The following ACOXL variants were observed in gnomAD, a reference collection of about 807,000 sequenced individuals.
The protein encoded by ACOXL is acyl-coenzyme A oxidase-like protein.
ACOXL carries 70 observed loss-of-function variants against 71.9 expected under a neutral mutation model. That is an observed-to-expected ratio of 0.97 (90% CI 0.80 to 1.19). The LOEUF is 1.19. ACOXL is among the 50% of genes most tolerant of loss of function. The probability of loss-of-function intolerance (pLI) is 0.00; values close to 1 mark genes in which losing one functional copy is unlikely to be tolerated. For missense variants in ACOXL, 703 were observed against 736.3 expected, an observed-to-expected ratio of 0.95 and a Z score of 0.52; for synonymous variants, 253 against 281.6, an observed-to-expected ratio of 0.90 and a Z score of 1.02.
At chr2:111,065,719 T>C (rs2067037357) in intron 16 of ACOXL, among the ~76,000 whole-genome samples, 1 of 152,200 alleles carries the variant, frequency 6.6e-6, no homozygotes, top group Non-Finnish European at 1.5e-5. Context: ...AACAGGCGTT[T>C]CACTCATGAG....
intron 9 of ACOXL, among the ~76,000 whole-genome samples, chr2:110,829,721 G>A (rs938086775): frequency 1.3e-5 from 2 of 152,174 alleles, no homozygotes; most frequent in African/African-American, 4.8e-5. Context: ...GAGTGTGTGT[G>A]TATGTATCTG....
At chr2:111,033,157 G>T (rs2065353417) in intron 15 of ACOXL, among the ~76,000 whole-genome samples, 1 of 152,204 alleles carries the variant, frequency 6.6e-6, no homozygotes, top group South Asian at 2.1e-4. Context: ...TTCTGACTGA[G>T]TTCCACTTTC....
chr2:111,109,899 G>T (rs147203991), intron 17 of ACOXL, among the ~76,000 whole-genome samples: 1 of 151,728 alleles, frequency 6.6e-6, no homozygotes, highest in Non-Finnish European at 1.5e-5. Flanking sequence ...GGCTGGTCTC[G>T]AACTCCCGGC....
intron 9 of ACOXL, among the ~76,000 whole-genome samples, chr2:110,838,458 C>T (rs1690728405): frequency 6.6e-6 from 1 of 152,132 alleles, no homozygotes; most frequent in South Asian, 2.1e-4. Flanking sequence ...AAAGGCCTGA[C>T]TAGATGATGG....
intron 10 of ACOXL, among the ~76,000 whole-genome samples, chr2:110,848,608 G>A (rs903173929): frequency 5.3e-5 from 8 of 152,310 alleles, no homozygotes; most frequent in African/African-American, 1.7e-4. Context: ...GGGTCCAGAG[G>A]TTAATGTAGC....
rs570907464 is a variant in ACOXL at position 111,054,456 on chromosome 2, G to A, written c.1440+5168G>A. ...GACATGCAGGGGCCCATCAGGGTCG[G>A]TGGGTACAGCTGCCAAGAGCTGCAG... On this transcript the variant is annotated intron_variant, in intron 16 of 17. Transcript: ENST00000439055. Among the ~76,000 whole-genome samples, 7 of 152,288 alleles carry A rather than the reference G, an allele frequency of 4.6e-5. 1 individual carries two copies. In the South Asian group the frequency reaches 1.5e-3, roughly 32 times the overall value.
At chr2:110,743,634 C>T (rs896275729) in intron 1 of ACOXL, among the ~76,000 whole-genome samples, 4 of 152,150 alleles carry the variant, frequency 2.6e-5, no homozygotes, top group African/African-American at 4.8e-5. Flanking sequence ...TTGACCAGGA[C>T]TGAGGCTGGC....
At chr2:111,103,495 A>T (rs140796214) in intron 17 of ACOXL, among the ~76,000 whole-genome samples, 1,705 of 152,222 alleles carry the variant, frequency 0.011, 21 homozygotes, top group Non-Finnish European at 0.018. Context: ...ACCGCTAGGC[A>T]TTGATTCCAT....
chr2:110,807,666 C>G (rs939897227), intron 9 of ACOXL, among the ~76,000 whole-genome samples: 3 of 152,238 alleles, frequency 2.0e-5, no homozygotes, highest in Admixed American at 2.0e-4. Flanking sequence ...GTCCAGGCAC[C>G]CTGCCGGACA....
At chr2:111,100,375 G>C (rs958947844) in intron 17 of ACOXL, 1 of 152,600 alleles carries the variant, frequency 6.6e-6, no homozygotes, top group African/African-American at 2.4e-5. Flanking sequence ...AGGGAGGAAG[G>C]CCACTCCACC....
At position 110,743,302 on chromosome 2, in the gene ACOXL, T is replaced by C. The variant is rs528771429; in HGVS notation, c.-23+10528T>C. On this transcript the variant is annotated intron_variant, in intron 1 of 17. Transcript: ENST00000439055. ...TTGTATGCATATATCAGGCAGATAA[T>C]TTCCTATATTTAAAAACACAGGTGA... is the stretch of plus-strand genomic sequence containing the variant. Among the ~76,000 whole-genome samples the C allele has an allele frequency of 2.0e-5, 3 of 152,340 alleles. No individual in the cohort carries two copies. The East Asian group carries it at 5.8e-4, about 29-fold the overall frequency.
intron 12 of ACOXL, among the ~76,000 whole-genome samples, chr2:110,946,824 C>T (rs1263759523): frequency 6.6e-6 from 1 of 152,126 alleles, no homozygotes; most frequent in Non-Finnish European, 1.5e-5. Flanking sequence ...CCCTTCTTTT[C>T]CTATTAGTCT....
chr2:110,807,029 C>T (rs1354559000), intron 9 of ACOXL, among the ~76,000 whole-genome samples: 3 of 152,216 alleles, frequency 2.0e-5, no homozygotes, highest in Non-Finnish European at 4.4e-5. Context: ...TTCCTGTTCT[C>T]CGTTCTACTG....
In ACOXL at chr2:110,829,975, G is replaced by A. The variant is rs972580166; in HGVS notation, c.754-11396G>A. 2.6e-5 allele frequency among the ~76,000 whole-genome samples: 4 copies of A among 152,288 alleles called. No individual in the cohort carries two copies. In the South Asian group the frequency reaches 8.3e-4, roughly 32 times the overall value. The stretch of plus-strand genomic sequence containing the variant: ...TTCATTCAGTGTGAATATGAGTGGA[G>A]GTGGCTGGTGTTTTAATATGTCCCT... On this transcript the variant is annotated intron_variant, in intron 9 of 17. Transcript: ENST00000439055.
chr2:110,906,354 A>G (rs1260392358), intron 10 of ACOXL, among the ~76,000 whole-genome samples: 1 of 151,822 alleles, frequency 6.6e-6, no homozygotes, highest in East Asian at 1.9e-4. Context: ...CCTGGCCAAC[A>G]TGGTGAAACC....
At chr2:110,768,538 GT>G in intron 2 of ACOXL, 74 bp downstream of exon 2, 2 of 1,325,054 alleles carry the variant, frequency 1.5e-6, no homozygotes, top group East Asian at 2.4e-5. Context: ...GAGAGAGAGA[GT>G]TTTTTTCTCT....
At chr2:110,950,096 A>T (rs1295185941) in intron 12 of ACOXL, among the ~76,000 whole-genome samples, 1 of 152,028 alleles carries the variant, frequency 6.6e-6, no homozygotes, top group Non-Finnish European at 1.5e-5. Context: ...ACATGTGCAC[A>T]ATGTGCAGGT....
intron 2 of ACOXL, among the ~76,000 whole-genome samples, chr2:110,773,384 CGT>C (rs1682216118): frequency 6.6e-6 from 1 of 152,114 alleles, no homozygotes; most frequent in East Asian, 1.9e-4. Context: ...TCCTGGGAAG[CGT>C]TTACATTTAA....
At chr2:110,789,867 T>C (rs1188284142) in intron 3 of ACOXL, among the ~76,000 whole-genome samples, 1 of 152,232 alleles carries the variant, frequency 6.6e-6, no homozygotes, top group Non-Finnish European at 1.5e-5. Flanking sequence ...TGGGCTGTTG[T>C]TTAGGAATGG....
Sources: allele counts gnomAD v4.1 joint callset (sites outside exome capture counted in the v4.1 genomes callset), GRCh38; gene constraint gnomAD v4.1.1; transcripts MANE v1.5; gene names NCBI Gene and HGNC (gene_info 2026-07-23, HGNC 2026-07-21).